Variants in DIAPH3 observed in about 807,000 individuals in gnomAD.
DIAPH3 encodes protein diaphanous homolog 3.
A neutral mutation model predicts 144.3 loss-of-function variants in DIAPH3; 117 were observed. The observed-to-expected ratio is 0.81, with a 90% CI of 0.70 to 0.95. The LOEUF is 0.95. Among genes scored for constraint, DIAPH3 ranks in the 40% least tolerant of loss-of-function variants. The pLI, the probability that DIAPH3 is intolerant of heterozygous loss-of-function variation, is 0.00. For synonymous variants in DIAPH3, 519 were observed against 488.9 expected (o/e 1.06, Z -0.81); for missense variants, 1,421 against 1,412.7 (o/e 1.01, Z -0.09).
intron 17 of DIAPH3, among the ~76,000 whole-genome samples, chr13:59,948,975 T>A (rs989835901): frequency 3.3e-5 from 5 of 152,122 alleles, no homozygotes; most frequent in Non-Finnish European, 5.9e-5. Context: ...TCAGGTAGCA[T>A]CTCATCTAAA....
chr13:59,698,439 G>A (rs2033932748), intron 27 of DIAPH3, among the ~76,000 whole-genome samples: 1 of 152,096 alleles, frequency 6.6e-6, no homozygotes, highest in African/African-American at 2.4e-5. Flanking sequence ...AATAAATGAA[G>A]TAACAACAGA....
intron 25 of DIAPH3, among the ~76,000 whole-genome samples, chr13:59,799,599 T>C (rs571009233): frequency 6.6e-6 from 1 of 152,358 alleles, no homozygotes; most frequent in East Asian, 1.9e-4. Context: ...ACATATGTCA[T>C]ATCTTGTCCT....
intron 27 of DIAPH3, among the ~76,000 whole-genome samples, chr13:59,772,082 T>A (rs2038153468): frequency 6.6e-6 from 1 of 152,082 alleles, no homozygotes; most frequent in Non-Finnish European, 1.5e-5. Flanking sequence ...AGTTCAATCT[T>A]ACATTTCAAT....
In DIAPH3 at chr13:60,119,574, C is replaced by T. The variant is rs2058785752; in HGVS notation, c.214-7388G>A. Among the ~76,000 whole-genome samples, 2 of 150,852 alleles carry T rather than the reference C, an allele frequency of 1.3e-5. 1 individual carries two copies. Among genetic ancestry groups the T allele is most frequent in the South Asian group, 4.2e-4 (2 of 4,726 alleles). On this transcript the variant is annotated intron_variant, in intron 2 of 27. Transcript: ENST00000400324. The stretch of plus-strand genomic sequence containing the variant: ...CATCCCGGCTAAAACGGTGAAACCC[C>T]GTCTCTACTAAAAATACAAAAAATT...
At chr13:59,879,523 C>A in intron 20 of DIAPH3, 55 bp from the exon 21 acceptor site, 6 of 1,608,040 alleles carry the variant, frequency 3.7e-6, no homozygotes, top group Non-Finnish European at 5.1e-6. Flanking sequence ...TAGTTTAGTA[C>A]TGTACGACTG....
chr13:60,084,873 A>C (rs1472438441), intron 4 of DIAPH3, among the ~76,000 whole-genome samples: 2 of 152,144 alleles, frequency 1.3e-5, no homozygotes, highest in Admixed American at 1.3e-4. Context: ...GCCGGTTAGG[A>C]AATGGTAATA....
chr13:59,760,117 T>C (rs1055011101), intron 27 of DIAPH3, among the ~76,000 whole-genome samples: 6 of 152,190 alleles, frequency 3.9e-5, no homozygotes, highest in Non-Finnish European at 5.9e-5. Context: ...TTTTCCTTAA[T>C]GCACTATGCC....
intron 24 of DIAPH3, among the ~76,000 whole-genome samples, chr13:59,820,186 G>A (rs1424716486): frequency 6.6e-6 from 1 of 151,912 alleles, no homozygotes; most frequent in East Asian, 1.9e-4. Context: ...ATATGGGGGA[G>A]TGCCAATTTT....
chr13:59,993,531 T>C (rs920667834), intron 9 of DIAPH3, among the ~76,000 whole-genome samples: 7 of 151,464 alleles, frequency 4.6e-5, no homozygotes, highest in African/African-American at 1.5e-4. Context: ...TGTTTTGGAG[T>C]AAGACACCAA....
chr13:59,670,391 C>T (rs951581525), intron 27 of DIAPH3, among the ~76,000 whole-genome samples: 2 of 152,126 alleles, frequency 1.3e-5, no homozygotes, highest in Admixed American at 1.3e-4. Flanking sequence ...GCTCTCAGCA[C>T]CCCAACAGCC....
intron 27 of DIAPH3, among the ~76,000 whole-genome samples, chr13:59,756,457 GA>G (rs2037271645): frequency 6.9e-6 from 1 of 145,572 alleles, no homozygotes; most frequent in African/African-American, 2.5e-5. Flanking sequence ...AGGAAGGAAG[GA>G]AGGAAGGAAA....
intron 21 of DIAPH3, among the ~76,000 whole-genome samples, 179 bp from the exon 22 acceptor site, chr13:59,861,715 G>C (rs1016659659): frequency 6.6e-6 from 1 of 152,082 alleles, no homozygotes; most frequent in African/African-American, 2.4e-5. Flanking sequence ...CTTGCTGCTT[G>C]GTGAAAATCA....
intron 27 of DIAPH3, among the ~76,000 whole-genome samples, chr13:59,678,130 T>C (rs1237022103): frequency 3.3e-5 from 5 of 152,172 alleles, no homozygotes; most frequent in African/African-American, 1.2e-4. Flanking sequence ...CCTATTCGTA[T>C]TGGATCAGGA....
At chr13:60,104,819 C>T (rs898200720) in intron 3 of DIAPH3, among the ~76,000 whole-genome samples, 11 of 152,062 alleles carry the variant, frequency 7.2e-5, no homozygotes, top group African/African-American at 2.4e-4. Flanking sequence ...TGGCCAGGCG[C>T]GGTGGCTCAC....
chr13:60,103,782 C>T (rs2058337333), intron 3 of DIAPH3, among the ~76,000 whole-genome samples: 1 of 152,168 alleles, frequency 6.6e-6, no homozygotes, highest in South Asian at 2.1e-4. Flanking sequence ...CCACAAAGAT[C>T]CCCTAATTCC....
At position 59,792,933 on chromosome 13, in the gene DIAPH3, A is replaced by G. The variant is rs143301230; in HGVS notation, c.3163+17855T>C. Among the ~76,000 whole-genome samples, 549 of 152,204 alleles carry G rather than the reference A, an allele frequency of 3.6e-3. 6 individuals are homozygous for G. Among genetic ancestry groups the G allele is most frequent in the South Asian group, 3.9e-3 (19 of 4,820 alleles). On this transcript the variant is annotated intron_variant, in intron 25 of 27. Transcript: ENST00000400324. ...GTACATATGTGCAACTGCTACCTCAATTGGATTCTTAATGCTATTCAGCAC... is the reference window on the plus strand; with the variant it reads ...GTACATATGTGCAACTGCTACCTCAGTTGGATTCTTAATGCTATTCAGCAC...
intron 2 of DIAPH3, among the ~76,000 whole-genome samples, chr13:60,124,819 A>T (rs1209712337): frequency 6.6e-6 from 1 of 152,022 alleles, no homozygotes; most frequent in African/African-American, 2.4e-5. Flanking sequence ...TGGGTGACAA[A>T]GCGAGACCCT....
chr13:60,096,102 G>A (rs1028523218), intron 3 of DIAPH3, among the ~76,000 whole-genome samples: 1 of 152,140 alleles, frequency 6.6e-6, no homozygotes, highest in South Asian at 2.1e-4. Context: ...ATGAACATAG[G>A]TAACATTATC....
In DIAPH3 at chr13:59,970,996, T is replaced by A; in HGVS notation, c.1815A>T (p.Pro605=). The A allele has an allele frequency of 1.2e-6, 2 of 1,603,762 alleles. No homozygotes were observed. Among genetic ancestry groups the A allele is most frequent in the South Asian group, 2.2e-5 (2 of 90,858 alleles). ...GTGGTGGAGGCACAGGACCACTGAA[T>A]GGCATCCGCATTCCTGGAAGTGGAG... ...PPPPLPGMRM[P]FSGPVPPPPP... is the part of the protein sequence containing the mutation. Residue 605 remains proline, a synonymous_variant, in exon 16 of 28, where the codon CCA becomes CCT. Coordinates refer to ENST00000400324, the MANE Select transcript of DIAPH3 (RefSeq NM_001042517.2).
Sources: gnomAD v4.1 joint callset for allele counts (sites outside exome capture counted in the v4.1 genomes callset) on GRCh38, gnomAD v4.1.1 for gene constraint, MANE v1.5 for transcripts, NCBI Gene and HGNC (gene_info 2026-07-23, HGNC 2026-07-21) for gene names.